Variants in GIMAP6 observed in about 807,000 individuals in gnomAD.
GIMAP6 encodes the protein GTPase IMAP family member 6.
In GIMAP6, 6 loss-of-function variants were observed where a neutral mutation model predicts 9.3. The ratio of observed to expected loss-of-function variants is 0.65; its 90% CI spans 0.35 to 1.27. GIMAP6 has a LOEUF of 1.27. GIMAP6 is among the 50% of genes most tolerant of loss of function. The pLI, the probability that GIMAP6 is intolerant of heterozygous loss-of-function variation, is 0.03. For synonymous variants in GIMAP6, 156 were observed against 151.1 expected, an observed-to-expected ratio of 1.03 and a Z score of -0.24; for missense variants, 333 against 359.5, an observed-to-expected ratio of 0.93 and a Z score of 0.60.
Position 150,628,439 on chromosome 7 carries a change from C to T in GIMAP6, c.159G>A (p.Lys53=). The T allele has an allele frequency of 6.2e-7, 1 of 1,614,214 alleles. No homozygotes were observed. Among genetic ancestry groups the T allele is most frequent in the Non-Finnish European group, 8.5e-7 (1 of 1,180,038 alleles). Residue 53 remains lysine (K), a synonymous_variant, in exon 3 of 3, where the codon AAG becomes AAA. Coordinates refer to ENST00000328902, the MANE Select transcript of GIMAP6 (RefSeq NM_024711.6). ...CGAGGATGCTGTTTCCTGTTGCACTCTTCCCACTCCCTGTTTTCCCCATGA... is the reference window on the plus strand; with the variant it reads ...CGAGGATGCTGTTTCCTGTTGCACTTTTCCCACTCCCTGTTTTCCCCATGA... ...LILMGKTGSG[K]SATGNSILGR... is the part of the protein sequence containing the mutation.
At position 150,627,313 on chromosome 7, in the gene GIMAP6, T is replaced by C. The variant is rs773395480; in HGVS notation, c.*406A>G. ...CATCTGGTCAACAGCTTGCATGGAG[T>C]TGCCGCACCAAACGTGACTGCATGA... On this transcript the variant is annotated 3_prime_UTR_variant, in exon 3 of 3. Coordinates refer to ENST00000328902, the MANE Select transcript of GIMAP6 (RefSeq NM_024711.6). The C allele has an allele frequency of 8.5e-6, 2 of 235,658 alleles. No homozygotes were observed. Among genetic ancestry groups the C allele is most frequent in the Non-Finnish European group, 1.7e-5 (2 of 118,384 alleles). 14.6% of individuals were successfully genotyped at this position (235,658 alleles called of 1,614,324 possible). A position where few individuals can be genotyped will look rare whatever the true frequency, so the allele number is the denominator to read the frequency against.
intron 2 of GIMAP6, 184 bp from the exon 3 acceptor site, chr7:150,628,696 C>T (rs561321166): frequency 8.1e-5 from 124 of 1,533,236 alleles, no homozygotes; most frequent in Middle Eastern, 1.7e-4. Context: ...TGGGGCTGAA[C>T]GTTCTCTCCC....
chr7:150,628,165 G>C lies in GIMAP6; in HGVS notation c.433C>G (p.Arg145Gly). 1 of 1,614,214 alleles carries C rather than the reference G, an allele frequency of 6.2e-7. No individual in the cohort carries two copies. Among genetic ancestry groups the C allele is most frequent in the Non-Finnish European group, 8.5e-7 (1 of 1,180,030 alleles). ...CCCACTCCAAAGACCTCCTGCAGGC[G>C]CCTGACCACCTGCTGATCCTCATCC... is the stretch of plus-strand genomic sequence containing the variant. Reference protein sequence around the residue: ...FTDEDQQVVRRLQEVFGVGVL... With the variant: ...FTDEDQQVVRGLQEVFGVGVL... Residue 145 changes from arginine to glycine, a missense_variant, in exon 3 of 3, where the codon CGC becomes GGC. Arg to Gly is a moderately radical substitution (Grantham distance 125). Coordinates refer to ENST00000328902, the MANE Select transcript of GIMAP6 (RefSeq NM_024711.6).
intron 1 of GIMAP6, among the ~76,000 whole-genome samples, chr7:150,630,947 G>A (rs1796381534): frequency 1.3e-5 from 2 of 152,164 alleles, no homozygotes; most frequent in African/African-American, 4.8e-5. Context: ...TGACAGCAAT[G>A]TGTCCTGGCT....
At chr7:150,629,036 G>A (rs942243511) in intron 2 of GIMAP6, among the ~76,000 whole-genome samples, 4 of 152,256 alleles carry the variant, frequency 2.6e-5, no homozygotes, top group Non-Finnish European at 4.4e-5. Context: ...TCTGACCCAC[G>A]TGCCAATTCT....
Position 150,627,572 on chromosome 7 carries a change from G to T in GIMAP6, c.*147C>A. ...ATGTGATCTGGGCATGCTGGACCCT[G>T]TCCTCAAGCCCCATGCCCCTCTTCC... On this transcript the variant is annotated 3_prime_UTR_variant, in exon 3 of 3. Coordinates refer to ENST00000328902, the MANE Select transcript of GIMAP6 (RefSeq NM_024711.6). The T allele has an allele frequency of 1.1e-6, 1 of 904,064 alleles. No homozygotes were observed. The highest frequency in any genetic ancestry group is 1.8e-6 in the Non-Finnish European group (1 of 570,180). 56.0% of individuals were successfully genotyped at this position (904,064 alleles called of 1,614,324 possible).
Position 150,630,144 on chromosome 7 carries a change from TACAAA to T in GIMAP6, c.1-7_1-3del. The T allele has an allele frequency of 3.5e-6, 3 of 855,416 alleles. No homozygotes were observed. Among genetic ancestry groups the T allele is most frequent in the Non-Finnish European group, 4.6e-6 (3 of 652,194 alleles). 53.0% of individuals were successfully genotyped at this position (855,416 alleles called of 1,614,324 possible). On this transcript the variant is annotated splice_polypyrimidine_tract_variant and splice_region_variant and intron_variant, in intron 1 of 2. Transcript: ENST00000328902. The stretch of plus-strand genomic sequence containing the variant: ...TTGTTCATATTCTTCTTCCTCCATC[TACAAA>T]AAAAAAAAAAAAAAAAAAATCATAT...
Position 150,628,452 on chromosome 7 carries a change from G to A in GIMAP6, c.146C>T (p.Thr49Ile). 1.2e-6 allele frequency: 2 copies of A among 1,614,130 alleles called. No homozygotes were observed. Among genetic ancestry groups the A allele is most frequent in the Non-Finnish European group, 1.7e-6 (2 of 1,180,000 alleles). ...TCCTGTTGCACTCTTCCCACTCCCT[G>A]TTTTCCCCATGAGAATGAGCCTCAG... ...RRLRLILMGK[T>I]GSGKSATGNS... The change falls in exon 3 of 3, where the codon ACA (threonine) becomes ATA (isoleucine). Residue 49 changes from threonine to isoleucine, a missense_variant. By Grantham distance (89) the Thr-to-Ile change is moderately conservative (BLOSUM62 -1). Coordinates refer to ENST00000328902, the MANE Select transcript of GIMAP6 (RefSeq NM_024711.6).
intron 1 of GIMAP6, among the ~76,000 whole-genome samples, chr7:150,631,232 T>G (rs1383834095): frequency 6.6e-6 from 1 of 152,190 alleles, no homozygotes; most frequent in Non-Finnish European, 1.5e-5. Context: ...CCTCCCCAGA[T>G]CCCAGAAGTA....
In GIMAP6 at chr7:150,628,532, G is replaced by A; in HGVS notation, c.86-20C>T. ...TTAGACCTAGAAATATCCAAAGAAA[G>A]CAGAGGGAACTGGGGTAAGGGCCCA... On this transcript the variant is annotated intron_variant, in intron 2 of 2. Coordinates refer to ENST00000328902, the MANE Select transcript of GIMAP6 (RefSeq NM_024711.6). The A allele has an allele frequency of 1.9e-6, 3 of 1,610,382 alleles. No homozygotes were observed. The highest frequency in any genetic ancestry group is 2.5e-6 in the Non-Finnish European group (3 of 1,180,014).
At chr7:150,631,741 C>G (rs76051177) in intron 1 of GIMAP6, among the ~76,000 whole-genome samples, 1,609 of 152,326 alleles carry the variant, frequency 0.011, 19 homozygotes, top group Middle Eastern at 0.041. Flanking sequence ...GAAGATGGAA[C>G]AGATAGTACC....
intron 1 of GIMAP6, 40 bp from the exon 2 acceptor site, chr7:150,630,182 T>A: frequency 6.8e-7 from 1 of 1,474,012 alleles, no homozygotes; most frequent in Non-Finnish European, 9.1e-7. Context: ...TATGTTCTAC[T>A]GACTTTCCAA....
At position 150,628,208 on chromosome 7, in the gene GIMAP6, T is replaced by A. The variant is rs1796331369; in HGVS notation, c.390A>T (p.Thr130=). ...CCTCATCCGTGAACCGGCCCAGTTG[T>A]GTCACCAGGAGCACGGCGTGGGGCC... is the stretch of plus-strand genomic sequence containing the variant. ...APGPHAVLLV[T]QLGRFTDEDQ... is the part of the protein sequence containing the mutation. Residue 130 remains threonine, a synonymous_variant, in exon 3 of 3, where the codon ACA becomes ACT. Transcript: ENST00000328902. 1.9e-6 allele frequency: 3 copies of A among 1,614,062 alleles called. No homozygotes were observed. Among genetic ancestry groups the A allele is most frequent in the Non-Finnish European group, 2.5e-6 (3 of 1,180,004 alleles).
In GIMAP6 at chr7:150,627,066, T is replaced by C. The variant is rs1303449730; in HGVS notation, c.*653A>G. 3 of 152,994 alleles carry C rather than the reference T, an allele frequency of 2.0e-5. No homozygotes were observed. Among genetic ancestry groups the C allele is most frequent in the Admixed American group, 1.3e-4 (2 of 15,320 alleles). The allele number at this position is 152,994 out of a possible 1,614,324, so 9.5% of individuals were successfully genotyped here. Reference sequence around the variant, plus strand: ...CCCAAACTTCTCCCATCATTCCCACTAGGAAGTTCCAACGGGGCTTGTTTG... The same window carrying C: ...CCCAAACTTCTCCCATCATTCCCACCAGGAAGTTCCAACGGGGCTTGTTTG... On this transcript the variant is annotated 3_prime_UTR_variant, in exon 3 of 3. Transcript: ENST00000328902.
At chr7:150,629,879 ATT>A (rs1284289169) in intron 2 of GIMAP6, among the ~76,000 whole-genome samples, 177 bp downstream of exon 2, 3 of 151,530 alleles carry the variant, frequency 2.0e-5, no homozygotes, top group Non-Finnish European at 4.4e-5. Context: ...CTTTTTTCTT[ATT>A]TTTGGCTAGT....
intron 2 of GIMAP6, 135 bp downstream of exon 2, chr7:150,629,923 A>G: frequency 1.5e-6 from 1 of 685,652 alleles, no homozygotes; most frequent in Non-Finnish European, 2.5e-6. Flanking sequence ...AAGGCCTCTG[A>G]TGGTGGCTGA....
chr7:150,629,952 A>T, intron 2 of GIMAP6, 106 bp downstream of exon 2: 2 of 784,212 alleles, frequency 2.6e-6, no homozygotes, highest in East Asian at 2.8e-5. Context: ...AATTTCTGTG[A>T]CTGGGGGACG....
intron 1 of GIMAP6, among the ~76,000 whole-genome samples, chr7:150,631,112 G>A (rs62491814): frequency 0.2 from 30,834 of 152,104 alleles, 3,355 homozygotes; most frequent in Admixed American, 0.26. Flanking sequence ...CAGATGAAGG[G>A]TCTGGGGTGT....
At chr7:150,630,023 T>C (rs1227333983) in intron 2 of GIMAP6, 35 bp downstream of exon 2, 2 of 1,415,370 alleles carry the variant, frequency 1.4e-6, no homozygotes, top group Non-Finnish European at 2.0e-6. Context: ...ACCCCAAATG[T>C]TTCCCACTTG....
Sources: allele counts gnomAD v4.1 joint callset (sites outside exome capture counted in the v4.1 genomes callset), GRCh38; gene constraint gnomAD v4.1.1; transcripts MANE v1.5; gene names NCBI Gene and HGNC (gene_info 2026-07-23, HGNC 2026-07-21).